ADGRG4: variants seen among roughly 807,000 people sequenced by gnomAD.
ADGRG4 encodes G protein-coupled receptor 112.
A neutral mutation model predicts 126.2 loss-of-function variants in ADGRG4; 122 were observed. The ratio of observed to expected loss-of-function variants is 0.97; its 90% CI spans 0.83 to 1.12. The LOEUF (loss-of-function observed/expected upper bound fraction) is 1.12, where lower values mean the gene tolerates loss of function less well. Ranked by LOEUF, ADGRG4 falls within the 50% of genes most tolerant of loss-of-function variation. ADGRG4 has a pLI of 0.00. For synonymous variants in ADGRG4, 943 were observed against 838.7 expected (o/e 1.12, Z -2.15); for missense variants, 2,481 against 2,251.8 (o/e 1.10, Z -2.06).
chrX:136,394,501 ACTT>A (rs946285798), intron 18 of ADGRG4, among the ~76,000 whole-genome samples: 1 of 111,748 alleles, frequency 8.9e-6, no homozygotes, highest in Non-Finnish European at 1.9e-5. Flanking sequence ...TAAGAATACT[ACTT>A]CTTTCTGACA....
chrX:136,381,194 C>T (rs767039390), intron 15 of ADGRG4, among the ~76,000 whole-genome samples: 2 of 110,429 alleles, frequency 1.8e-5, no homozygotes, highest in East Asian at 2.8e-4. Flanking sequence ...TTTTTTAGTC[C>T]GTGAATTATT....
At chrX:136,302,566 A>G (rs978790303) in intron 1 of ADGRG4, among the ~76,000 whole-genome samples, 1 of 112,020 alleles carries the variant, frequency 8.9e-6, no homozygotes, top group African/African-American at 3.2e-5. Flanking sequence ...TACTGGGCTC[A>G]TATCTATTAA....
rs1310242177 is a variant in ADGRG4, at chrX:136,371,509, C to T, written c.7578C>T (p.Asn2526=). Reference sequence around the variant, plus strand: ...TCAACGTTGTTTTGGAAAAGCAAAACAATTCCGCCTCTGATCTGCATGAAA... The same window carrying T: ...TCAACGTTGTTTTGGAAAAGCAAAATAATTCCGCCTCTGATCTGCATGAAA... The part of the protein sequence containing the change: ...QIINVVLEKQ[N]NSASDLHEIS... The change falls in exon 14 of 26, where the codon AAC becomes AAT. Residue 2526 remains asparagine (N), a synonymous_variant. Coordinates refer to ENST00000394143, the MANE Select transcript of ADGRG4 (RefSeq NM_153834.4). The T allele has an allele frequency of 2.5e-6, 3 of 1,192,643 alleles. No individual in the cohort carries two copies. The highest frequency in any genetic ancestry group is 2.2e-5 in the Admixed American group (1 of 44,721).
intron 21 of ADGRG4, among the ~76,000 whole-genome samples, chrX:136,402,793 G>A (rs2075386106): frequency 9.0e-6 from 1 of 111,453 alleles, no homozygotes; most frequent in Non-Finnish European, 1.9e-5. Flanking sequence ...CAGTTTCCCT[G>A]TCAAAAAAGC....
intron 23 of ADGRG4, among the ~76,000 whole-genome samples, chrX:136,408,185 T>C (rs2075426402): frequency 8.9e-6 from 1 of 112,193 alleles, no homozygotes; most frequent in African/African-American, 3.2e-5. Context: ...CCTGCATGGA[T>C]AGAAGCAGAA....
At position 136,412,282 on chromosome X, in the gene ADGRG4, T is replaced by C. The variant is rs1475247939; in HGVS notation, c.8953T>C (p.Phe2985Leu). The C allele has an allele frequency of 8.3e-7, 1 of 1,201,900 alleles. No homozygotes were observed. The highest frequency in any genetic ancestry group is 3.0e-5 in the East Asian group (1 of 33,830). The stretch of plus-strand genomic sequence containing the variant: ...TGGCTTAGGATTCTTCATTTTTGTG[T>C]TTCACTGTGTGATGAAGGAGAGTGT... The part of the protein sequence containing the change: ...NTLQGFFIFV[F>L]HCVMKESVRE... The change falls in exon 24 of 26, where the codon TTT (phenylalanine) becomes CTT (leucine). Residue 2985 changes from phenylalanine (F) to leucine (L), a missense_variant. Physicochemically the swap from Phe to Leu is conservative, Grantham distance 22. Coordinates refer to ENST00000394143, the MANE Select transcript of ADGRG4 (RefSeq NM_153834.4).
intron 7 of ADGRG4, among the ~76,000 whole-genome samples, chrX:136,352,685 C>T (rs2075069957): frequency 9.0e-6 from 1 of 111,351 alleles, no homozygotes; most frequent in Non-Finnish European, 1.9e-5. Flanking sequence ...GTGACACCAA[C>T]TTGCACCATC....
At chrX:136,388,023 A>G (rs191310665) in intron 16 of ADGRG4, 149 bp downstream of exon 16, 323 of 495,176 alleles carry the variant, frequency 6.5e-4, no homozygotes, top group African/African-American at 6.1e-3. Context: ...GCCCCTTAAC[A>G]TGAATCAACG....
chrX:136,313,363 T>A (rs2074785333), intron 4 of ADGRG4, among the ~76,000 whole-genome samples: 1 of 112,434 alleles, frequency 8.9e-6, no homozygotes, highest in Admixed American at 9.5e-5. Flanking sequence ...GGAAATGAAG[T>A]GATACTCCAC....
intron 4 of ADGRG4, among the ~76,000 whole-genome samples, chrX:136,310,864 G>A (rs926048026): frequency 6.3e-5 from 7 of 111,652 alleles, no homozygotes; most frequent in African/African-American, 2.3e-4. Flanking sequence ...AGAGGGCCTA[G>A]GACTTAGGCT....
chrX:136,398,745 C>T (rs2075363731), intron 20 of ADGRG4, among the ~76,000 whole-genome samples: 3 of 111,796 alleles, frequency 2.7e-5, no homozygotes, highest in South Asian at 7.5e-4. Flanking sequence ...AAATATACAT[C>T]TCGCTGTTGG....
At chrX:136,395,586 C>T (rs1603300005) in intron 19 of ADGRG4, 93 bp downstream of exon 19, 1 of 451,192 alleles carries the variant, frequency 2.2e-6, no homozygotes, top group Non-Finnish European at 3.7e-6. Context: ...AAATGGTATG[C>T]ATTTGGAAAA....
chrX:136,371,787 A>T (rs2075196249), intron 14 of ADGRG4, among the ~76,000 whole-genome samples: 1 of 111,686 alleles, frequency 9.0e-6, no homozygotes, highest in Non-Finnish European at 1.9e-5. Context: ...TAATCTAGAG[A>T]TGATTTAAAA....
chrX:136,387,356 C>T (rs1321959098), intron 15 of ADGRG4, among the ~76,000 whole-genome samples: 1 of 111,715 alleles, frequency 9.0e-6, no homozygotes. Flanking sequence ...TTGTTTTTTC[C>T]TTTTAACATA....
intron 5 of ADGRG4, 136 bp downstream of exon 5, chrX:136,323,528 T>C (rs1055529010): frequency 2.0e-6 from 1 of 488,524 alleles, no homozygotes; most frequent in African/African-American, 2.5e-5. Flanking sequence ...TTATCTTTAT[T>C]TTGATATGAT....
chrX:136,321,798 T>G (rs185770416), intron 4 of ADGRG4, among the ~76,000 whole-genome samples: 1 of 112,226 alleles, frequency 8.9e-6, no homozygotes, highest in African/African-American at 3.2e-5. Flanking sequence ...CCGCACCCAA[T>G]GGACATGTCC....
At position 136,348,607 on chromosome X, in the gene ADGRG4, T is replaced by C. The variant is rs761414435; in HGVS notation, c.4901T>C (p.Ile1634Thr). 1.7e-6 allele frequency: 2 copies of C among 1,208,357 alleles called. No homozygotes were observed. The highest frequency in any genetic ancestry group is 2.2e-6 in the Non-Finnish European group (2 of 894,659). ...TCCTCTGCTTTCACTACAGAAATGA[T>C]AGAGGCACCTTCCAGGATCACACCT... ...MVSSAFTTEM[I>T]EAPSRITPTT... Residue 1634 changes from isoleucine (I) to threonine (T), a missense_variant, in exon 6 of 26, where the codon ATA becomes ACA. Coordinates refer to ENST00000394143, the MANE Select transcript of ADGRG4 (RefSeq NM_153834.4).
At chrX:136,317,842 AC>A (rs1322291496) in intron 4 of ADGRG4, among the ~76,000 whole-genome samples, 1 of 112,222 alleles carries the variant, frequency 8.9e-6, no homozygotes, top group Non-Finnish European at 1.9e-5. Flanking sequence ...ACAATGAGAT[AC>A]CACTCCATAA....
At chrX:136,338,006 A>G (rs1400783215) in intron 5 of ADGRG4, among the ~76,000 whole-genome samples, 1 of 109,467 alleles carries the variant, frequency 9.1e-6, no homozygotes, top group Admixed American at 9.7e-5. Flanking sequence ...TTTTCAATGC[A>G]TTTTCTCTAT....
Sources: gnomAD v4.1 joint callset for allele counts (sites outside exome capture counted in the v4.1 genomes callset) on GRCh38, gnomAD v4.1.1 for gene constraint, MANE v1.5 for transcripts, NCBI Gene and HGNC (gene_info 2026-07-23, HGNC 2026-07-21) for gene names.